The following RARB variants were observed in gnomAD, a reference collection of about 807,000 sequenced individuals.
The protein encoded by RARB is HBV-activated protein.
A neutral mutation model predicts 51.9 loss-of-function variants in RARB; 17 were observed. The ratio of observed to expected loss-of-function variants is 0.33; its 90% CI spans 0.22 to 0.49. The LOEUF (loss-of-function observed/expected upper bound fraction) is 0.49. Ranked by LOEUF, RARB falls within the 20% of genes least tolerant of loss-of-function variation. The pLI, the probability that RARB is intolerant of heterozygous loss-of-function variation, is 0.99. For missense variants in RARB, 369 were observed against 550.8 expected (o/e 0.67, Z 3.30); for synonymous variants, 215 against 195.4 (o/e 1.10, Z -0.84).
At chr3:25,048,752 CTTTTT>C (rs34598308) in intron 2 of RARB, among the ~76,000 whole-genome samples, 6 of 108,408 alleles carry the variant, frequency 5.5e-5, no homozygotes, top group Non-Finnish European at 7.0e-5. Context: ...ATTAAGCCCA[CTTTTT>C]TTTTTTTTTT....
At chr3:24,891,927 A>G (rs544005497) in intron 2 of RARB, among the ~76,000 whole-genome samples, 37 of 152,238 alleles carry the variant, frequency 2.4e-4, no homozygotes, top group Non-Finnish European at 5.1e-4. Context: ...AGCTGCACCC[A>G]CAGAAGTAGA....
chr3:25,565,383 G>A (rs1383604661), intron 3 of RARB, among the ~76,000 whole-genome samples: 2 of 152,094 alleles, frequency 1.3e-5, no homozygotes, highest in Non-Finnish European at 2.9e-5. Flanking sequence ...CAGTATTGTG[G>A]TAAATAATAC....
rs577093267 is a variant in RARB at position 25,569,725 on chromosome 3, C to G, written c.449-33C>G. 33 of 1,597,804 alleles carry G rather than the reference C, an allele frequency of 2.1e-5. No homozygotes were observed. The South Asian group carries it at 2.7e-4, about 13-fold the overall frequency. On this transcript the variant is annotated intron_variant, in intron 3 of 7. Transcript: ENST00000330688. ...TCAGGAGCACAGGCCCAGCCTTCAG[C>G]GACCCCTGATGTGCCTTCTCTCTCG...
chr3:24,862,129 C>T (rs191657987), intron 2 of RARB, among the ~76,000 whole-genome samples: 43 of 152,252 alleles, frequency 2.8e-4, no homozygotes, highest in African/African-American at 8.2e-4. Flanking sequence ...CAACTTTACA[C>T]GGTATGGCTG....
At chr3:24,913,193 C>T (rs1009766524) in intron 2 of RARB, among the ~76,000 whole-genome samples, 2 of 151,516 alleles carry the variant, frequency 1.3e-5, no homozygotes, top group Non-Finnish European at 2.9e-5. Context: ...ACTGTGTTAG[C>T]CACGATGGTC....
At chr3:25,169,347 G>T (rs541172167) in intron 4 of RARB, among the ~76,000 whole-genome samples, 1 of 152,322 alleles carries the variant, frequency 6.6e-6, no homozygotes, top group South Asian at 2.1e-4. Context: ...CCCTGGAGCA[G>T]GAGGAATGTC....
chr3:24,883,101 C>G (rs1399739658), intron 2 of RARB, among the ~76,000 whole-genome samples: 1 of 152,052 alleles, frequency 6.6e-6, no homozygotes, highest in African/African-American at 2.4e-5. Context: ...CTAAGTTAAC[C>G]AACCCTGGGA....
At chr3:24,949,613 A>T (rs1008156976) in intron 2 of RARB, among the ~76,000 whole-genome samples, 5 of 152,196 alleles carry the variant, frequency 3.3e-5, no homozygotes, top group Non-Finnish European at 7.3e-5. Context: ...GAATCCTTTG[A>T]TTGTATTGAA....
At chr3:25,200,172 T>C (rs1701354457) in intron 5 of RARB, among the ~76,000 whole-genome samples, 1 of 152,240 alleles carries the variant, frequency 6.6e-6, no homozygotes, top group Admixed American at 6.5e-5. Context: ...ACTGCAGTTT[T>C]GATTTGCATT....
At chr3:25,327,092 T>G (rs774582347) in intron 5 of RARB, among the ~76,000 whole-genome samples, 1 of 152,128 alleles carries the variant, frequency 6.6e-6, no homozygotes, top group Non-Finnish European at 1.5e-5. Flanking sequence ...ATGCGCTGTT[T>G]CGTTTTTAGA....
intron 3 of RARB, among the ~76,000 whole-genome samples, chr3:25,075,917 G>A (rs1698861962): frequency 1.3e-5 from 2 of 151,880 alleles, no homozygotes; most frequent in East Asian, 3.9e-4. Flanking sequence ...CTAACAAGTT[G>A]TTTATCTGTT....
intron 2 of RARB, among the ~76,000 whole-genome samples, chr3:24,991,713 T>C (rs1696915888): frequency 6.6e-6 from 1 of 151,958 alleles, no homozygotes; most frequent in Non-Finnish European, 1.5e-5. Context: ...AAGTAGCACA[T>C]TTCATCATCA....
chr3:25,564,800 C>A (rs1700422684), intron 3 of RARB, among the ~76,000 whole-genome samples: 1 of 152,118 alleles, frequency 6.6e-6, no homozygotes, highest in Non-Finnish European at 1.5e-5. Context: ...CATTCCCTCC[C>A]AGAGGTGCAC....
chr3:25,132,640 G>C (rs952125521), intron 4 of RARB, among the ~76,000 whole-genome samples: 2 of 151,906 alleles, frequency 1.3e-5, no homozygotes, highest in African/African-American at 4.8e-5. Context: ...AGAATTCACA[G>C]ATATTAAGCA....
Position 24,985,373 on chromosome 3 carries a change from C to T in RARB, c.-379-74752C>T, listed in dbSNP as rs143134534. Among the ~76,000 whole-genome samples the T allele has an allele frequency of 3.9e-3, 544 of 139,354 alleles. 4 individuals carry two copies. The highest frequency in any genetic ancestry group is 0.014 in the African/African-American group (525 of 37,130). The allele number at this position is 139,354 out of a possible 152,430, so 91.4% of individuals were successfully genotyped here. On this transcript the variant is annotated intron_variant, in intron 2 of 11. Transcript: ENST00000383772. The stretch of plus-strand genomic sequence containing the variant: ...TGTTTTTTTTTTTTTTTGACAAGAA[C>T]ATTTCCCAGCTGAACAATAACATAT...
At chr3:25,218,163 G>A (rs1391961124) in intron 5 of RARB, among the ~76,000 whole-genome samples, 1 of 152,138 alleles carries the variant, frequency 6.6e-6, no homozygotes, top group African/African-American at 2.4e-5. Context: ...CTTAGCTACA[G>A]TGCTGTGGGC....
chr3:24,875,868 T>C (rs1283034583), intron 2 of RARB, among the ~76,000 whole-genome samples: 1 of 152,134 alleles, frequency 6.6e-6, no homozygotes, highest in Admixed American at 6.5e-5. Context: ...CATGTTTTTA[T>C]AGTTTTCTAT....
At chr3:24,978,000 G>T (rs966459926) in intron 2 of RARB, among the ~76,000 whole-genome samples, 1 of 152,066 alleles carries the variant, frequency 6.6e-6, no homozygotes, top group Admixed American at 6.6e-5. Context: ...TTTCTGCATT[G>T]ATTGAGATAA....
intron 5 of RARB, among the ~76,000 whole-genome samples, chr3:25,396,560 A>T (rs532070638): frequency 6.6e-6 from 1 of 152,122 alleles, no homozygotes; most frequent in Non-Finnish European, 1.5e-5. Context: ...GGTTACCTGG[A>T]TAAGTATTCA....
Sources: gnomAD v4.1 joint callset for allele counts (sites outside exome capture counted in the v4.1 genomes callset) on GRCh38, gnomAD v4.1.1 for gene constraint, MANE v1.5 for transcripts, NCBI Gene and HGNC (gene_info 2026-07-23, HGNC 2026-07-21) for gene names.